The following KIRREL1 variants were observed in gnomAD, a reference collection of about 807,000 sequenced individuals.
The protein encoded by KIRREL1 is kin of IRRE-like protein 1.
KIRREL1 carries 25 observed loss-of-function variants against 83.3 expected under a neutral mutation model. That is an observed-to-expected ratio of 0.30 (90% CI 0.22 to 0.42). The LOEUF (loss-of-function observed/expected upper bound fraction) is 0.42, where lower values mean the gene tolerates loss of function less well. KIRREL1 is among the 10% of genes least tolerant of loss of function. The pLI is 1.00. For missense variants in KIRREL1, 812 were observed against 1,032.3 expected, an observed-to-expected ratio of 0.79 and a Z score of 2.92; for synonymous variants, 388 against 410.4, an observed-to-expected ratio of 0.95 and a Z score of 0.66.
chr1:158,062,250 G>A (rs1489053531), intron 1 of KIRREL1, among the ~76,000 whole-genome samples: 5 of 152,284 alleles, frequency 3.3e-5, no homozygotes, highest in African/African-American at 9.6e-5. Context: ...GGGCTCCAGC[G>A]TCATCAACCC....
chr1:158,075,991 G>T (rs369129046), intron 1 of KIRREL1, 122 bp from the exon 2 acceptor site: 28 of 859,278 alleles, frequency 3.3e-5, no homozygotes, highest in South Asian at 1.2e-4. Context: ...GGGGGGCAGG[G>T]ACCGGAGAGT....
At chr1:158,041,539 A>G (rs539783216) in intron 1 of KIRREL1, among the ~76,000 whole-genome samples, 21 of 152,250 alleles carry the variant, frequency 1.4e-4, no homozygotes, top group Non-Finnish European at 3.1e-4. Context: ...GAAAACCAGC[A>G]GAGCAGCTAA....
chr1:158,002,281 C>A (rs2763847), intron 1 of KIRREL1, among the ~76,000 whole-genome samples: 16 of 152,346 alleles, frequency 1.1e-4, no homozygotes, highest in African/African-American at 1.9e-4. Flanking sequence ...ACCTGTCCCC[C>A]CCAAGCTTGG....
chr1:158,036,496 A>T (rs1189463670), intron 1 of KIRREL1, among the ~76,000 whole-genome samples: 12 of 152,192 alleles, frequency 7.9e-5, no homozygotes, highest in African/African-American at 2.4e-4. Context: ...TGCGGAAAGG[A>T]CATGGAGAAT....
chr1:158,089,863 T>C, intron 10 of KIRREL1, 45 bp downstream of exon 10: 1 of 1,551,808 alleles, frequency 6.4e-7, no homozygotes, highest in Non-Finnish European at 8.9e-7. Flanking sequence ...TCCCTGCTTC[T>C]TTGCCCAGGC....
At chr1:158,037,755 C>T (rs934253377) in intron 1 of KIRREL1, among the ~76,000 whole-genome samples, 2 of 152,188 alleles carry the variant, frequency 1.3e-5, no homozygotes, top group Non-Finnish European at 2.9e-5. Context: ...CACCCAGGCT[C>T]TTGCAGCCTC....
At position 158,095,178 on chromosome 1, in the gene KIRREL1, T is replaced by G; in HGVS notation, c.*58T>G. 6.8e-6 allele frequency: 8 copies of G among 1,181,026 alleles called. No individual in the cohort carries two copies. Among genetic ancestry groups the G allele is most frequent in the Non-Finnish European group, 9.6e-6 (8 of 837,604 alleles). The allele number at this position is 1,181,026 out of a possible 1,614,324, so 73.2% of individuals were successfully genotyped here. On this transcript the variant is annotated 3_prime_UTR_variant, in exon 15 of 15. Transcript: ENST00000359209. The stretch of plus-strand genomic sequence containing the variant: ...GCAGAGGAGAAGGCTTTCACAGCTG[T>G]TCCCTGATATTCAGGGGCATTGCTC...
At chr1:158,085,501 T>C (rs954592797) in intron 4 of KIRREL1, among the ~76,000 whole-genome samples, 3 of 152,280 alleles carry the variant, frequency 2.0e-5, no homozygotes, top group Admixed American at 6.5e-5. Context: ...AAAACTGTGA[T>C]TTTTCTTCAT....
In KIRREL1 at chr1:158,076,152, C is replaced by A; in HGVS notation, c.92C>A (p.Thr31Lys). The A allele has an allele frequency of 1.2e-6, 2 of 1,614,138 alleles. No homozygotes were observed. The highest frequency in any genetic ancestry group is 1.7e-6 in the Non-Finnish European group (2 of 1,180,022). Residue 31 changes from threonine to lysine, a missense_variant, in exon 2 of 15, where the codon ACG becomes AAG. Thr to Lys is a moderately conservative substitution (Grantham distance 78). This residue lies in a region of KIRREL1 where 472 missense variants were observed against 626.8 expected (regional missense o/e 0.75). Coordinates refer to ENST00000359209, the MANE Select transcript of KIRREL1 (RefSeq NM_018240.7). ...TRFSQEPADQ[T>K]VVAGQRAVLP... Reference sequence around the variant, plus strand: ...TTCAGCCAGGAGCCAGCTGACCAGACGGTGGTGGCTGGACAGCGGGCCGTG... The same window carrying A: ...TTCAGCCAGGAGCCAGCTGACCAGAAGGTGGTGGCTGGACAGCGGGCCGTG...
intron 1 of KIRREL1, among the ~76,000 whole-genome samples, chr1:158,000,027 G>A (rs926575762): frequency 1.3e-4 from 20 of 150,444 alleles, no homozygotes; most frequent in African/African-American, 4.1e-4. Flanking sequence ...CAGCTAGTAA[G>A]TGACAGAGCC....
At chr1:158,046,011 G>A (rs569167763) in intron 1 of KIRREL1, among the ~76,000 whole-genome samples, 1 of 152,330 alleles carries the variant, frequency 6.6e-6, no homozygotes, top group East Asian at 1.9e-4. Context: ...AATGAAATGG[G>A]AAGTCACTGG....
intron 1 of KIRREL1, among the ~76,000 whole-genome samples, chr1:158,039,402 A>C (rs533964052): frequency 6.6e-6 from 1 of 152,090 alleles, no homozygotes; most frequent in Admixed American, 6.6e-5. Flanking sequence ...TGCTTCCTTT[A>C]TGGCCCCTCA....
chr1:158,095,689 C>A lies in KIRREL1; in HGVS notation c.*569C>A, dbSNP rs1211816310. ...TCTTGTCTACAGAACAGCCCTGGCA[C>A]TGCATTCAAATCCAGTCTTCATTCA... On this transcript the variant is annotated 3_prime_UTR_variant, in exon 15 of 15. Transcript: ENST00000359209. 1.3e-5 allele frequency: 2 copies of A among 152,352 alleles called. No individual in the cohort carries two copies. Among genetic ancestry groups the A allele is most frequent in the Non-Finnish European group, 2.9e-5 (2 of 68,188 alleles). 9.4% of individuals were successfully genotyped at this position (152,352 alleles called of 1,614,324 possible).
intron 1 of KIRREL1, among the ~76,000 whole-genome samples, chr1:158,037,489 C>CAAAAA (rs759200504): frequency 2.0e-4 from 9 of 44,020 alleles, no homozygotes; most frequent in South Asian, 8.3e-4. Context: ...AAGACTCTGG[C>CAAAAA]AAAAAAAAAA....
Position 158,094,769 on chromosome 1 carries a change from C to T in KIRREL1, c.1923C>T (p.Leu641=). Residue 641 remains leucine, a synonymous_variant, in exon 15 of 15, where the codon CTC becomes CTT. Coordinates refer to ENST00000359209, the MANE Select transcript of KIRREL1 (RefSeq NM_018240.7). This position sits in a 1 kb window ranked among gnomAD's most constrained non-coding sequence, Gnocchi z 4.6. ...ARFDGRPSSR[L]SHSSGYAQLN... is the part of the protein sequence containing the mutation. Reference sequence around the variant, plus strand: ...TCGACGGCCGCCCCTCATCCCGTCTCTCCCACTCCAGCGGCTATGCCCAGC... The same window carrying T: ...TCGACGGCCGCCCCTCATCCCGTCTTTCCCACTCCAGCGGCTATGCCCAGC... The T allele has an allele frequency of 1.2e-6, 2 of 1,614,040 alleles. No homozygotes were observed. The highest frequency in any genetic ancestry group is 2.2e-5 in the East Asian group (1 of 44,856).
intron 1 of KIRREL1, among the ~76,000 whole-genome samples, chr1:158,022,747 A>G (rs978078892): frequency 2.6e-5 from 4 of 152,040 alleles, no homozygotes; most frequent in Admixed American, 2.0e-4. Flanking sequence ...AGGGCGGGAG[A>G]GAGGGTCCAA....
chr1:158,078,760 C>T (rs1661759225), intron 3 of KIRREL1, among the ~76,000 whole-genome samples: 1 of 152,146 alleles, frequency 6.6e-6, no homozygotes, highest in African/African-American at 2.4e-5. Context: ...TGGGGTCCTG[C>T]TGTGTCTGGA....
intron 1 of KIRREL1, among the ~76,000 whole-genome samples, chr1:158,010,638 C>T (rs538959095): frequency 1.1e-3 from 160 of 152,256 alleles, no homozygotes; most frequent in Non-Finnish European, 1.8e-4. Flanking sequence ...CATAAACATT[C>T]GGCAGATTTC....
intron 1 of KIRREL1, among the ~76,000 whole-genome samples, chr1:158,052,956 C>A (rs1660950156): frequency 6.6e-6 from 1 of 152,024 alleles, no homozygotes; most frequent in African/African-American, 2.4e-5. Context: ...GGTGCCAGCT[C>A]CTTTAAACAA....
Sources: gnomAD v4.1 joint callset for allele counts (sites outside exome capture counted in the v4.1 genomes callset) on GRCh38, gnomAD v4.1.1 for gene constraint, gnomAD v4.1.1 regional missense constraint, Gnocchi (gnomAD v3.1) non-coding constraint, MANE v1.5 for transcripts, NCBI Gene and HGNC (gene_info 2026-07-23, HGNC 2026-07-21) for gene names.